Variants in RPS6KA4 observed in about 807,000 individuals in gnomAD.
RPS6KA4 encodes the protein ribosomal protein S6 kinase A4.
Under a neutral mutation model 89.6 loss-of-function variants are expected in RPS6KA4, and 38 were observed. That is an observed-to-expected ratio of 0.42 (90% confidence interval 0.33 to 0.56). The LOEUF is 0.56. RPS6KA4 is among the 20% of genes least tolerant of loss of function. The pLI is 0.07. For missense variants in RPS6KA4, 873 were observed against 1,098.8 expected (o/e 0.79, Z 2.90); for synonymous variants, 495 against 492.8 (o/e 1.00, Z -0.06).
In RPS6KA4 at chr11:64,371,266, C is replaced by T. The variant is rs1308481576; in HGVS notation, c.2122-17C>T. On this transcript the variant is annotated splice_polypyrimidine_tract_variant and intron_variant, in intron 16 of 16. Coordinates refer to ENST00000334205, the MANE Select transcript of RPS6KA4 (RefSeq NM_003942.3). ...GTCAGGCGGGGGTGGGGGCACTCAC[C>T]CTTTCCTTTCTGCCAGGCATTCAAC... 6.2e-7 allele frequency: 1 copy of T among 1,611,786 alleles called. No homozygotes were observed.
intron 2 of RPS6KA4, 185 bp downstream of exon 2, chr11:64,359,634 G>A: frequency 3.2e-6 from 2 of 616,698 alleles, no homozygotes; most frequent in Middle Eastern, 8.7e-4. Flanking sequence ...ACTCCACATT[G>A]ACATCACTCC....
Position 64,369,760 on chromosome 11 carries a change from C to T in RPS6KA4, c.1664C>T (p.Ala555Val). The T allele has an allele frequency of 6.2e-7, 1 of 1,611,814 alleles. No homozygotes were observed. The highest frequency in any genetic ancestry group is 8.5e-7 in the Non-Finnish European group (1 of 1,179,440). Residue 555 changes from alanine to valine, a missense_variant, in exon 14 of 17, where the codon GCG becomes GTG. This residue lies in a region of RPS6KA4 where 542 missense variants were observed against 736.4 expected (regional missense o/e 0.74). Transcript: ENST00000334205. ...APVKIIDFGF[A>V]RLRPQSPGVP... ...GTGAAAATCATCGACTTCGGGTTCG[C>T]GCGGTTGCGGCCGCAGAGTCCCGGG... is the stretch of plus-strand genomic sequence containing the variant.
chr11:64,368,909 G>A (rs963467991), intron 12 of RPS6KA4, 112 bp downstream of exon 12: 2 of 988,814 alleles, frequency 2.0e-6, no homozygotes, highest in Admixed American at 2.6e-5. Context: ...CGTTTGATTC[G>A]GGGCCCAAAG....
rs2036739066 is a variant in RPS6KA4, at chr11:64,361,254, C to G, written c.570+13C>G. 3 of 1,604,892 alleles carry G rather than the reference C, an allele frequency of 1.9e-6. No homozygotes were observed. The highest frequency in any genetic ancestry group is 2.6e-6 in the Non-Finnish European group (3 of 1,172,686). On this transcript the variant is annotated intron_variant, in intron 5 of 16. Transcript: ENST00000334205. The surrounding 1 kb of genome is among the most constrained non-coding windows in gnomAD (Gnocchi z 4.7). ...CCTGACGGAGGAGGTGAGTGGAGGCCACCTCTGCCTGCAGTGCCCCATTCA... is the reference window on the plus strand; with the variant it reads ...CCTGACGGAGGAGGTGAGTGGAGGCGACCTCTGCCTGCAGTGCCCCATTCA...
chr11:64,368,178 C>T lies in RPS6KA4; in HGVS notation c.1118C>T (p.Ala373Val). 1.9e-6 allele frequency: 3 copies of T among 1,613,694 alleles called. No homozygotes were observed. Among genetic ancestry groups the T allele is most frequent in the Non-Finnish European group, 1.7e-6 (2 of 1,180,016 alleles). The change falls in exon 10 of 17, where the codon GCG becomes GTG. Residue 373 changes from alanine (A) to valine (V), a missense_variant. This residue lies in a region of RPS6KA4 where 542 missense variants were observed against 736.4 expected (regional missense o/e 0.74). Coordinates refer to ENST00000334205, the MANE Select transcript of RPS6KA4 (RefSeq NM_003942.3). ...TCCATTCTCTTTGACCACAACAACG[C>T]GGTGATGACCGATGGGCTGGAAGCG... ...APSILFDHNNAVMTDGLEAPG... is the reference protein window; with the variant it reads ...APSILFDHNNVVMTDGLEAPG...
chr11:64,369,821 C>A lies in RPS6KA4; in HGVS notation c.1725C>A (p.Tyr575Ter). Residue 575 changes from tyrosine to a stop codon, truncating the protein, a stop_gained, in exon 14 of 17, where the codon TAC (tyrosine) becomes TAA (stop). Coordinates refer to ENST00000334205, the MANE Select transcript of RPS6KA4 (RefSeq NM_003942.3). LOFTEE classifies it high-confidence loss of function. ...AGACGCCCTGCTTCACGCTGCAGTA[C>A]GCTGCCCCCGAGCTGCTGGCGCAGC... ...PMQTPCFTLQ[Y>*]AAPELLAQQG... 1 of 1,598,122 alleles carries A rather than the reference C, an allele frequency of 6.3e-7. No individual in the cohort carries two copies. Among genetic ancestry groups the A allele is most frequent in the Non-Finnish European group, 8.5e-7 (1 of 1,173,434 alleles).
intron 16 of RPS6KA4, 91 bp from the exon 17 acceptor site, chr11:64,371,192 C>A (rs919331751): frequency 7.6e-7 from 1 of 1,314,892 alleles, no homozygotes; most frequent in African/African-American, 1.5e-5. Context: ...ACCTAGGCGG[C>A]TGGAGGCAAG....
At chr11:64,367,317 T>C (rs1185399870) in intron 9 of RPS6KA4, among the ~76,000 whole-genome samples, 2 of 1,394 alleles carry the variant, frequency 1.4e-3, no homozygotes, top group East Asian at 0.5. Context: ...AGATAATTAA[T>C]TTTTTTTTTT....
In RPS6KA4 at chr11:64,361,919, C is replaced by T. The variant is rs139519834; in HGVS notation, c.823C>T (p.Arg275Trp). 105 of 1,612,642 alleles carry T rather than the reference C, an allele frequency of 6.5e-5. No homozygotes were observed. The highest frequency in any genetic ancestry group is 3.0e-4 in the South Asian group (27 of 91,062). The change falls in exon 8 of 17, where the codon CGG (arginine) becomes TGG (tryptophan). Residue 275 changes from arginine (R) to tryptophan (W), a missense_variant. By Grantham distance (101) the Arg-to-Trp change is moderately radical. Coordinates refer to ENST00000334205, the MANE Select transcript of RPS6KA4 (RefSeq NM_003942.3). The surrounding 1 kb of genome is among the most constrained non-coding windows in gnomAD (Gnocchi z 4.7). Reference sequence around the variant, plus strand: ...GCCCGTGGCGCAGGACCTGCTGCAGCGGCTGCTTTGTAAGGATCCTAAGAA... The same window carrying T: ...GCCCGTGGCGCAGGACCTGCTGCAGTGGCTGCTTTGTAAGGATCCTAAGAA... ...IGPVAQDLLQ[R>W]LLCKDPKKRL...
At chr11:64,360,403 AC>A (rs745439541) in intron 3 of RPS6KA4, 22 bp downstream of exon 3, 1 of 1,558,910 alleles carries the variant, frequency 6.4e-7, no homozygotes, top group South Asian at 1.2e-5. Flanking sequence ...CCACATCCCA[AC>A]GGGGTTGGGG....
rs2036853810 is a variant in RPS6KA4, at chr11:64,365,388, G to T, written c.994G>T (p.Ala332Ser). The T allele has an allele frequency of 6.2e-7, 1 of 1,614,000 alleles. No homozygotes were observed. Among genetic ancestry groups the T allele is most frequent in the African/African-American group, 1.3e-5 (1 of 74,944 alleles). The stretch of plus-strand genomic sequence containing the variant: ...CTCAGAGCTGGATGTGGGCAACTTT[G>T]CGGAGGAATTCACTCGGCTGGAGCC... ...IRSELDVGNF[A>S]EEFTRLEPVY... Residue 332 changes from alanine to serine, a missense_variant, in exon 9 of 17, where the codon GCG becomes TCG. By Grantham distance (99) the Ala-to-Ser change is moderately conservative (BLOSUM62 1). Transcript: ENST00000334205.
At position 64,360,152 on chromosome 11, in the gene RPS6KA4, T is replaced by C; in HGVS notation, c.128-11T>C. On this transcript the variant is annotated splice_polypyrimidine_tract_variant and intron_variant, in intron 2 of 16. Coordinates refer to ENST00000334205, the MANE Select transcript of RPS6KA4 (RefSeq NM_003942.3). Reference sequence around the variant, plus strand: ...CACAGCCCACCCTCCACCCACTCGCTGCTCCCACAGCCTACGGCAAGGTGT... The same window carrying C: ...CACAGCCCACCCTCCACCCACTCGCCGCTCCCACAGCCTACGGCAAGGTGT... 1 of 1,540,138 alleles carries C rather than the reference T, an allele frequency of 6.5e-7. No homozygotes were observed. The highest frequency in any genetic ancestry group is 8.8e-7 in the Non-Finnish European group (1 of 1,142,570).
intron 12 of RPS6KA4, 149 bp downstream of exon 12, chr11:64,368,946 T>G: frequency 1.3e-6 from 1 of 749,066 alleles, no homozygotes; most frequent in African/African-American, 1.8e-5. Context: ...GGGAGTGGAA[T>G]TTGAGGGGAG....
chr11:64,369,941 C>G, intron 14 of RPS6KA4, 48 bp downstream of exon 14: 6 of 1,455,134 alleles, frequency 4.1e-6, no homozygotes, highest in Non-Finnish European at 5.5e-6. Context: ...TCGGACCTGG[C>G]GTCTTCCTGA....
chr11:64,359,276 T>G lies in RPS6KA4; in HGVS notation c.41T>G (p.Leu14Arg). ...EDDDESCAVE[L>R]RITEANLTGH... ...GACGATGAGAGCTGCGCCGTGGAGC[T>G]GCGGATCACAGAAGGTGGGTGTGGG... is the stretch of plus-strand genomic sequence containing the variant. Residue 14 changes from leucine (L) to arginine (R), a missense_variant, in exon 1 of 17, where the codon CTG becomes CGG. Physicochemically the swap from Leu to Arg is moderately radical, Grantham distance 102. Transcript: ENST00000334205. The G allele has an allele frequency of 1.3e-6, 2 of 1,561,716 alleles. No individual in the cohort carries two copies. The highest frequency in any genetic ancestry group is 2.4e-5 in the East Asian group (1 of 42,312).
In RPS6KA4 at chr11:64,361,740, G is replaced by A. The variant is rs751711772; in HGVS notation, c.750G>A (p.Val250=). The A allele has an allele frequency of 1.2e-6, 2 of 1,603,504 alleles. No homozygotes were observed. Among genetic ancestry groups the A allele is most frequent in the Non-Finnish European group, 1.7e-6 (2 of 1,176,364 alleles). The change falls in exon 7 of 17, where the codon GTG becomes GTA. Residue 250 remains valine, a synonymous_variant. Transcript: ENST00000334205. The surrounding 1 kb of genome is among the most constrained non-coding windows in gnomAD (Gnocchi z 4.7). ...GCGAGAGGAACACGCAGGCTGAGGT[G>A]TCTCGGTGAGTAGGGCTGGACGTGG... The part of the protein sequence containing the change: ...LEGERNTQAE[V]SRRILKCSPP...
chr11:64,369,363 A>C, intron 12 of RPS6KA4, 83 bp from the exon 13 acceptor site: 1 of 1,399,740 alleles, frequency 7.1e-7, no homozygotes, highest in Non-Finnish European at 9.4e-7. Flanking sequence ...CAGGGCCCGA[A>C]GGCCGGGGGC....
At chr11:64,366,909 C>G (rs918485945) in intron 9 of RPS6KA4, among the ~76,000 whole-genome samples, 8 of 152,054 alleles carry the variant, frequency 5.3e-5, no homozygotes, top group African/African-American at 1.9e-4. Flanking sequence ...TGGATAAGTC[C>G]CTTCTCTGAA....
intron 9 of RPS6KA4, 112 bp from the exon 10 acceptor site, chr11:64,368,020 C>G (rs2036929852): frequency 8.9e-7 from 1 of 1,120,548 alleles, no homozygotes; most frequent in African/African-American, 1.6e-5. Context: ...GGAACACCCC[C>G]CACTGCCCCC....
Sources: gnomAD v4.1 joint callset for allele counts (sites outside exome capture counted in the v4.1 genomes callset) on GRCh38, gnomAD v4.1.1 for gene constraint, gnomAD v4.1.1 regional missense constraint, Gnocchi (gnomAD v3.1) non-coding constraint, MANE v1.5 for transcripts, NCBI Gene and HGNC (gene_info 2026-07-23, HGNC 2026-07-21) for gene names.